Variants in TEKT5 observed in about 807,000 individuals in gnomAD.
TEKT5 encodes tektin 5.
TEKT5 carries 52 observed loss-of-function variants against 48.7 expected under a neutral mutation model. That is an observed-to-expected ratio of 1.07 (90% confidence interval 0.86 to 1.35). The LOEUF is 1.35. TEKT5 is among the 40% of genes most tolerant of loss of function. The probability of loss-of-function intolerance (pLI) is 0.00; values close to 1 mark genes in which losing one functional copy is unlikely to be tolerated. For synonymous variants in TEKT5, 318 were observed against 267.6 expected (o/e 1.19, Z -1.84); for missense variants, 831 against 641.6 (o/e 1.30, Z -3.19).
chr16:10,656,700 T>C (rs1898268126), intron 5 of TEKT5, among the ~76,000 whole-genome samples: 1 of 152,266 alleles, frequency 6.6e-6, no homozygotes, highest in African/African-American at 2.4e-5. Context: ...TAGGTTATAC[T>C]GATCTCTCTA....
intron 5 of TEKT5, among the ~76,000 whole-genome samples, chr16:10,666,185 T>G (rs1316734232): frequency 6.6e-6 from 1 of 152,180 alleles, no homozygotes; most frequent in African/African-American, 2.4e-5. Context: ...CAGTCCAGGT[T>G]TTATACACTC....
At chr16:10,657,639 G>C (rs919715948) in intron 5 of TEKT5, among the ~76,000 whole-genome samples, 5 of 150,902 alleles carry the variant, frequency 3.3e-5, no homozygotes, top group Admixed American at 1.3e-4. Context: ...ACCCAGGCTG[G>C]AGTGCAGTGG....
intron 4 of TEKT5, among the ~76,000 whole-genome samples, chr16:10,680,334 C>T (rs1007882995): frequency 2.0e-5 from 3 of 152,242 alleles, no homozygotes; most frequent in African/African-American, 7.2e-5. Flanking sequence ...CACCTTCCTT[C>T]TCGCTTCCCT....
chr16:10,640,168 A>G (rs1323660560), intron 5 of TEKT5, among the ~76,000 whole-genome samples: 1 of 109,402 alleles, frequency 9.1e-6, no homozygotes, highest in East Asian at 3.1e-4. Flanking sequence ...CCTCCGTGTG[A>G]CAGGGTCTCT....
At chr16:10,640,235 C>T (rs921903869) in intron 5 of TEKT5, among the ~76,000 whole-genome samples, 4 of 151,544 alleles carry the variant, frequency 2.6e-5, no homozygotes, top group East Asian at 3.9e-4. Context: ...CTCTGCCTCC[C>T]GGGCTCCAGT....
chr16:10,633,828 C>T lies in TEKT5; in HGVS notation c.1241+1936G>A, dbSNP rs527844394. Among the ~76,000 whole-genome samples the T allele has an allele frequency of 1.9e-3, 282 of 152,258 alleles. 1 individual carries two copies. Among genetic ancestry groups the T allele is most frequent in the African/African-American group, 6.4e-3 (267 of 41,510 alleles). ...TCCAAAGTGGGAGGGACCCCAGACCCTCAAGTTCAAAGCCTTGGATCAATT... is the reference window on the plus strand; with the variant it reads ...TCCAAAGTGGGAGGGACCCCAGACCTTCAAGTTCAAAGCCTTGGATCAATT... On this transcript the variant is annotated intron_variant, in intron 6 of 6. Transcript: ENST00000283025.
intron 1 of TEKT5, chr16:10,692,471 G>A (rs893817047): frequency 1.3e-5 from 2 of 152,268 alleles, no homozygotes; most frequent in African/African-American, 4.8e-5. Flanking sequence ...ACACACTCCA[G>A]GGAGCAGCCG....
intron 5 of TEKT5, among the ~76,000 whole-genome samples, chr16:10,637,278 C>T (rs926575562): frequency 2.0e-5 from 3 of 151,554 alleles, no homozygotes; most frequent in Non-Finnish European, 4.4e-5. Context: ...TCAAGGGATC[C>T]ACCTGCCTCG....
At chr16:10,672,411 G>A (rs917209905) in intron 5 of TEKT5, among the ~76,000 whole-genome samples, 3 of 152,228 alleles carry the variant, frequency 2.0e-5, no homozygotes, top group South Asian at 4.1e-4. Context: ...GGGCAATATG[G>A]CAAAACGCCG....
At chr16:10,685,013 T>C (rs1317874332) in intron 3 of TEKT5, among the ~76,000 whole-genome samples, 1 of 152,232 alleles carries the variant, frequency 6.6e-6, no homozygotes. Flanking sequence ...GCCTGGCTAA[T>C]GAGGCTCTGG....
At chr16:10,661,927 C>T (rs537944219) in intron 5 of TEKT5, among the ~76,000 whole-genome samples, 9 of 152,310 alleles carry the variant, frequency 5.9e-5, no homozygotes, top group Non-Finnish European at 1.0e-4. Context: ...AGCACTGTGG[C>T]CAGCACACAG....
intron 5 of TEKT5, among the ~76,000 whole-genome samples, chr16:10,662,234 T>C (rs1392082230): frequency 1.3e-5 from 2 of 152,194 alleles, no homozygotes; most frequent in Admixed American, 6.5e-5. Flanking sequence ...ACTAAATGTC[T>C]TCAGACATTG....
At chr16:10,691,873 G>C (rs540135089) in intron 1 of TEKT5, among the ~76,000 whole-genome samples, 13 of 151,524 alleles carry the variant, frequency 8.6e-5, no homozygotes, top group Admixed American at 5.3e-4. Flanking sequence ...GCGTGGACCC[G>C]GGAGGCGGAG....
chr16:10,635,141 C>T (rs1328157478), intron 6 of TEKT5, among the ~76,000 whole-genome samples: 1 of 151,890 alleles, frequency 6.6e-6, no homozygotes, highest in Non-Finnish European at 1.5e-5. Context: ...TGACCTGTTC[C>T]TTCTTGGCCT....
chr16:10,652,037 G>C (rs893369870), intron 5 of TEKT5, among the ~76,000 whole-genome samples: 1 of 152,066 alleles, frequency 6.6e-6, no homozygotes, highest in Non-Finnish European at 1.5e-5. Flanking sequence ...ATCCAAGCTG[G>C]GGGGCCTTGG....
chr16:10,688,669 C>T (rs1898909374), intron 3 of TEKT5, among the ~76,000 whole-genome samples: 1 of 152,238 alleles, frequency 6.6e-6, no homozygotes, highest in African/African-American at 2.4e-5. Flanking sequence ...CTATGGGCCC[C>T]AAGCCCCGTA....
At chr16:10,673,667 T>A (rs953333528) in intron 5 of TEKT5, among the ~76,000 whole-genome samples, 6 of 116,128 alleles carry the variant, frequency 5.2e-5, no homozygotes, top group Non-Finnish European at 8.6e-5. Context: ...TTTTTTTTTT[T>A]TGAGACAGAT....
intron 1 of TEKT5, among the ~76,000 whole-genome samples, chr16:10,693,787 T>C (rs540943500): frequency 3.3e-5 from 5 of 152,054 alleles, no homozygotes; most frequent in African/African-American, 7.2e-5. Flanking sequence ...CTGGCCAACA[T>C]AGCAAAACCC....
rs749685133 is a variant in TEKT5 at position 10,635,751 on chromosome 16, C to G, written c.1241+13G>C. 2.3e-5 allele frequency: 37 copies of G among 1,606,962 alleles called. No homozygotes were observed. The South Asian group carries it at 4.1e-4, about 18-fold the overall frequency. ...CAGGGGTTCTCCTGCCTCCTCTGGC[C>G]TCCCTCACTTACTTCAACTGCGGGA... On this transcript the variant is annotated intron_variant, in intron 6 of 6. Coordinates refer to ENST00000283025, the MANE Select transcript of TEKT5 (RefSeq NM_144674.2).
Sources: allele counts gnomAD v4.1 joint callset (sites outside exome capture counted in the v4.1 genomes callset), GRCh38; gene constraint gnomAD v4.1.1; transcripts MANE v1.5; gene names NCBI Gene and HGNC (gene_info 2026-07-23, HGNC 2026-07-21).